The following SSH2 variants were observed in gnomAD, a reference collection of about 807,000 sequenced individuals.
SSH2 encodes protein phosphatase Slingshot homolog 2.
A neutral mutation model predicts 135.2 loss-of-function variants in SSH2; 37 were observed. The observed-to-expected ratio is 0.27, with a 90% CI of 0.21 to 0.36. The LOEUF (loss-of-function observed/expected upper bound fraction) is 0.36, where lower values mean the gene tolerates loss of function less well. Among genes scored for constraint, SSH2 ranks in the 10% least tolerant of loss-of-function variants. The pLI, the probability that SSH2 is intolerant of heterozygous loss-of-function variation, is 1.00. For missense variants in SSH2, 1,408 were observed against 1,765.3 expected (o/e 0.80, Z 3.63); for synonymous variants, 628 against 646.2 (o/e 0.97, Z 0.43).
rs144811339 is a variant in SSH2 at position 29,832,240 on chromosome 17, C to T, written c.144+16609G>A. Reference sequence around the variant, plus strand: ...CTCATTGCAGCCTTGAATTCCTGGACTCAAGGGATCCTCCCACCTTAGCCT... The same window carrying T: ...CTCATTGCAGCCTTGAATTCCTGGATTCAAGGGATCCTCCCACCTTAGCCT... On this transcript the variant is annotated intron_variant, in intron 2 of 15. Transcript: ENST00000540801. Among the ~76,000 whole-genome samples the T allele has an allele frequency of 1.2e-3, 179 of 152,220 alleles. No homozygotes were observed. In the Middle Eastern group the frequency reaches 0.02, roughly 17 times the overall value.
In SSH2 at chr17:29,687,086, T is replaced by C. The variant is rs764039346; in HGVS notation, c.358-2402A>G. Among the ~76,000 whole-genome samples the C allele has an allele frequency of 7.2e-5, 11 of 152,366 alleles. No homozygotes were observed. In the East Asian group the frequency reaches 9.6e-4, roughly 13 times the overall value. On this transcript the variant is annotated intron_variant, in intron 5 of 15. Transcript: ENST00000540801. ...TTCTAATCCATCAACTGGCTCATTA[T>C]ATTTGTCAGAAATTTCTATTTGGAA...
chr17:29,779,914 A>ACAACAAC (rs1374341489), intron 3 of SSH2, among the ~76,000 whole-genome samples: 2 of 151,294 alleles, frequency 1.3e-5, no homozygotes. Context: ...TTTAAAAACA[A>ACAACAAC]CAACAACAAA....
At chr17:29,675,843 T>A (rs2037691463) in intron 8 of SSH2, 1 of 150,944 alleles carries the variant, frequency 6.6e-6, no homozygotes, top group African/African-American at 2.4e-5. Flanking sequence ...GAGAGAGAGA[T>A]CTATCCTGTC....
At chr17:29,640,355 C>CA (rs2036100870) in intron 14 of SSH2, among the ~76,000 whole-genome samples, 1 of 121,448 alleles carries the variant, frequency 8.2e-6, no homozygotes, top group Non-Finnish European at 1.9e-5. Flanking sequence ...GGATTATAGG[C>CA]GTGAGCCACC....
intron 3 of SSH2, among the ~76,000 whole-genome samples, chr17:29,786,239 T>C (rs1460930557): frequency 1.3e-5 from 2 of 152,182 alleles, no homozygotes; most frequent in East Asian, 3.8e-4. Flanking sequence ...TTTGACCAAA[T>C]AGTGAGACAA....
At position 29,852,564 on chromosome 17, in the gene SSH2, T is replaced by A. The variant is rs992108071; in HGVS notation, c.64-3635A>T. ...TTCTGAAACCTGGTAATTTTTTTTT[T>A]TTTTTGAGACGGAGTCCCGTTCTGT... On this transcript the variant is annotated intron_variant, in intron 1 of 15. Coordinates refer to ENST00000540801, the MANE Select transcript of SSH2 (RefSeq NM_001282129.2). Among the ~76,000 whole-genome samples, 3 of 151,748 alleles carry A rather than the reference T, an allele frequency of 2.0e-5. No homozygotes were observed. The South Asian group carries it at 6.2e-4, about 31-fold the overall frequency.
In SSH2 at chr17:29,805,771, C is replaced by A. The variant is rs8081254; in HGVS notation, c.145-11834G>T. On this transcript the variant is annotated intron_variant, in intron 2 of 15. Coordinates refer to ENST00000540801, the MANE Select transcript of SSH2 (RefSeq NM_001282129.2). ...GCTTAAAGGTTTGGAGAAACAACAT[C>A]AAAAAGCCCAGGGTACACATAGCCT... 9.9e-3 allele frequency among the ~76,000 whole-genome samples: 1,501 copies of A among 151,532 alleles called. 21 individuals carry two copies. The highest frequency in any genetic ancestry group is 0.034 in the African/African-American group (1,407 of 41,306).
intron 3 of SSH2, among the ~76,000 whole-genome samples, chr17:29,754,328 A>C (rs1467824520): frequency 1.3e-5 from 2 of 152,098 alleles, no homozygotes; most frequent in Non-Finnish European, 2.9e-5. Flanking sequence ...TTCATGTGAA[A>C]CCCCTTGTAC....
intron 3 of SSH2, among the ~76,000 whole-genome samples, chr17:29,720,622 T>C (rs1157643470): frequency 1.3e-5 from 2 of 152,086 alleles, no homozygotes; most frequent in Non-Finnish European, 2.9e-5. Context: ...TTTAAATGCA[T>C]ATTACAGATC....
intron 2 of SSH2, among the ~76,000 whole-genome samples, chr17:29,800,200 CGAAAAAAAAACTTGAGG>C (rs991562792): frequency 2.7e-5 from 4 of 148,666 alleles, no homozygotes; most frequent in East Asian, 1.9e-4. Context: ...CTGTTTACTT[CGAAAAAAAAACTTGAGG>C]GAAAAAAAAA....
intron 1 of SSH2, among the ~76,000 whole-genome samples, chr17:29,858,961 G>A (rs1887909916): frequency 1.3e-5 from 2 of 152,074 alleles, no homozygotes; most frequent in Non-Finnish European, 2.9e-5. Flanking sequence ...CAGAGGGAGA[G>A]GACAGCCTTC....
intron 1 of SSH2, among the ~76,000 whole-genome samples, chr17:29,860,145 C>T (rs190619114): frequency 4.6e-5 from 7 of 151,994 alleles, no homozygotes; most frequent in African/African-American, 7.2e-5. Context: ...AGCATGCCGG[C>T]GGTAATTCTG....
chr17:29,668,503 G>C (rs1028822337), intron 9 of SSH2, among the ~76,000 whole-genome samples: 1 of 152,134 alleles, frequency 6.6e-6, no homozygotes, highest in African/African-American at 2.4e-5. Flanking sequence ...GGCCGAGGTG[G>C]GTGGACTGCT....
At chr17:29,685,929 A>G (rs567940865) in intron 5 of SSH2, among the ~76,000 whole-genome samples, 26 of 145,026 alleles carry the variant, frequency 1.8e-4, no homozygotes, top group African/African-American at 6.6e-4. Flanking sequence ...GCTCACCGCA[A>G]CCTCTGCCTC....
At chr17:29,753,318 T>TG (rs1230662577) in intron 3 of SSH2, among the ~76,000 whole-genome samples, 2 of 151,660 alleles carry the variant, frequency 1.3e-5, no homozygotes, top group East Asian at 2.0e-4. Flanking sequence ...TTTGTAGAGA[T>TG]GGGGTTTCAC....
intron 14 of SSH2, chr17:29,647,777 C>T (rs529603278): frequency 4.3e-6 from 1 of 232,414 alleles, no homozygotes; most frequent in East Asian, 1.2e-4. Flanking sequence ...ATTGTCCTGC[C>T]TCAGCCTCCC....
chr17:29,674,225 T>C, intron 8 of SSH2: 1 of 451,616 alleles, frequency 2.2e-6, no homozygotes, highest in Admixed American at 2.4e-5. Context: ...TGTCAGTCCA[T>C]TTTTATTAGG....
chr17:29,633,155 C>A (rs774909208), intron 15 of SSH2, among the ~76,000 whole-genome samples: 14 of 152,146 alleles, frequency 9.2e-5, no homozygotes, highest in Non-Finnish European at 2.1e-4. Flanking sequence ...TTGTGTTACT[C>A]TCTACTAAAC....
At chr17:29,852,948 A>T (rs769096511) in intron 1 of SSH2, among the ~76,000 whole-genome samples, 3 of 151,888 alleles carry the variant, frequency 2.0e-5, no homozygotes, top group Non-Finnish European at 4.4e-5. Flanking sequence ...GCAAGGACGA[A>T]TTAATATTTA....
Sources: allele counts gnomAD v4.1 joint callset (sites outside exome capture counted in the v4.1 genomes callset), GRCh38; gene constraint gnomAD v4.1.1; transcripts MANE v1.5; gene names NCBI Gene and HGNC (gene_info 2026-07-23, HGNC 2026-07-21).